MTURN: variants seen among roughly 807,000 people sequenced by gnomAD.
MTURN encodes maturin, neural progenitor differentiation regulator homolog.
MTURN carries 7 observed loss-of-function variants against 14.9 expected under a neutral mutation model. The ratio of observed to expected loss-of-function variants is 0.47; its 90% CI spans 0.27 to 0.88. MTURN has a LOEUF of 0.88. MTURN is among the 40% of genes least tolerant of loss of function. MTURN has a pLI of 0.14. For missense variants in MTURN, 151 were observed against 174.1 expected (o/e 0.87, Z 0.75); for synonymous variants, 69 against 72.5 (o/e 0.95, Z 0.25).
intron 1 of MTURN, chr7:30,145,763 C>G: frequency 7.2e-7 from 1 of 1,389,790 alleles, no homozygotes; most frequent in East Asian, 2.5e-5. Context: ...ACAAACTATG[C>G]TTAATTAATC....
intron 2 of MTURN, among the ~76,000 whole-genome samples, chr7:30,148,041 G>A (rs74317674): frequency 2.0e-5 from 3 of 152,224 alleles, no homozygotes; most frequent in African/African-American, 7.2e-5. Flanking sequence ...GCTCCAGTGG[G>A]GGGAGACAGG....
At chr7:30,142,863 G>A (rs369307195) in intron 1 of MTURN, among the ~76,000 whole-genome samples, 2 of 152,190 alleles carry the variant, frequency 1.3e-5, no homozygotes, top group Non-Finnish European at 2.9e-5. Context: ...TTGCCAGGGC[G>A]TTGCATTGTT....
chr7:30,145,492 TGAAAAA>T (rs561238993), intron 1 of MTURN, among the ~76,000 whole-genome samples: 2,129 of 152,230 alleles, frequency 0.014, 49 homozygotes, highest in African/African-American at 0.049. Flanking sequence ...AAACCCTGTC[TGAAAAA>T]GAAAAAGAAA....
chr7:30,136,731 G>A (rs985407725), intron 1 of MTURN, among the ~76,000 whole-genome samples: 2 of 152,218 alleles, frequency 1.3e-5, no homozygotes, highest in African/African-American at 4.8e-5. Flanking sequence ...GTGACAGCCA[G>A]ATTTGAGTTC....
intron 1 of MTURN, among the ~76,000 whole-genome samples, chr7:30,140,279 G>A (rs933839224): frequency 1.3e-5 from 2 of 151,994 alleles, no homozygotes; most frequent in African/African-American, 2.4e-5. Context: ...CTAAAATTTT[G>A]TATAGTTTAA....
At chr7:30,141,595 C>T (rs1338024963) in intron 1 of MTURN, among the ~76,000 whole-genome samples, 1 of 152,058 alleles carries the variant, frequency 6.6e-6, no homozygotes, top group Non-Finnish European at 1.5e-5. Context: ...GTGATCAGAG[C>T]TCACCGTAAC....
chr7:30,153,164 G>A (rs1797237421), intron 2 of MTURN, among the ~76,000 whole-genome samples: 1 of 152,148 alleles, frequency 6.6e-6, no homozygotes, highest in South Asian at 2.1e-4. Flanking sequence ...ATTCTTCCCA[G>A]TCTGTGTGTA....
chr7:30,145,999 T>C, intron 1 of MTURN, 178 bp from the exon 2 acceptor site: 2 of 1,549,150 alleles, frequency 1.3e-6, no homozygotes, highest in Non-Finnish European at 1.7e-6. Flanking sequence ...AGATTAGACA[T>C]TTTTTCTTCC....
At chr7:30,146,965 T>A (rs1797139792) in intron 2 of MTURN, among the ~76,000 whole-genome samples, 1 of 152,238 alleles carries the variant, frequency 6.6e-6, no homozygotes, top group African/African-American at 2.4e-5. Context: ...CCATCACCAG[T>A]GTCTCAGTGT....
intron 1 of MTURN, among the ~76,000 whole-genome samples, chr7:30,135,595 G>C (rs1013225469): frequency 1.3e-5 from 2 of 152,114 alleles, no homozygotes; most frequent in Admixed American, 6.5e-5. Context: ...TGCTGCGGGC[G>C]CCGTTTCGGG....
intron 1 of MTURN, among the ~76,000 whole-genome samples, chr7:30,145,377 C>G (rs1025531126): frequency 1.3e-5 from 2 of 152,056 alleles, no homozygotes; most frequent in African/African-American, 2.4e-5. Context: ...ACCTGTAGTT[C>G]CACCTACTTG....
intron 2 of MTURN, among the ~76,000 whole-genome samples, chr7:30,146,683 T>TG (rs1272987275): frequency 2.0e-5 from 3 of 152,146 alleles, no homozygotes; most frequent in Non-Finnish European, 2.9e-5. Context: ...TGGGGATTGC[T>TG]GGGAAGCTGT....
chr7:30,140,935 CCGGTTA>C (rs1381778618), intron 1 of MTURN: 4 of 152,202 alleles, frequency 2.6e-5, no homozygotes, highest in Non-Finnish European at 5.9e-5. Context: ...ACACGAGGCT[CCGGTTA>C]AACATTGCGC....
intron 2 of MTURN, among the ~76,000 whole-genome samples, chr7:30,155,183 C>G (rs540737702): frequency 1.3e-5 from 2 of 152,178 alleles, no homozygotes; most frequent in Non-Finnish European, 2.9e-5. Flanking sequence ...CCTGAAACTC[C>G]AGGCAGCCAC....
intron 2 of MTURN, among the ~76,000 whole-genome samples, chr7:30,152,555 A>C (rs1797228412): frequency 6.6e-6 from 1 of 152,210 alleles, no homozygotes; most frequent in Admixed American, 6.5e-5. Flanking sequence ...GTGAAGGAGA[A>C]GAGAGACTGC....
Position 30,140,415 on chromosome 7 carries a change from G to GTGTGTGTGTATATATATA in MTURN, c.162+5118_162+5119insGTGTGTGTATATATATAT, listed in dbSNP as rs33952294. ...GAGGGGTGTGTGTGTGTGTGTGTGT[G>GTGTGTGTGTATATATATA]TATCCCCATTTGTGGTCTGAACACA... On this transcript the variant is annotated intron_variant, in intron 1 of 2. Coordinates refer to ENST00000324453, the MANE Select transcript of MTURN (RefSeq NM_152793.3). Among the ~76,000 whole-genome samples, 14 of 143,732 alleles carry GTGTGTGTGTATATATATA rather than the reference G, an allele frequency of 9.7e-5. 1 individual carries two copies. The highest frequency in any genetic ancestry group is 1.5e-4 in the Non-Finnish European group (10 of 65,614). 94.3% of individuals were successfully genotyped at this position (143,732 alleles called of 152,430 possible). A position where few individuals can be genotyped will look rare whatever the true frequency, so the allele number is the denominator to read the frequency against.
In MTURN at chr7:30,138,236, C is replaced by T. The variant is rs1390718740; in HGVS notation, c.162+2938C>T. Among the ~76,000 whole-genome samples, 5 of 152,268 alleles carry T rather than the reference C, an allele frequency of 3.3e-5. No individual in the cohort carries two copies. In the East Asian group the frequency reaches 7.7e-4, roughly 23 times the overall value. ...GTTCAAGTGATTCTTGTGCGTCAGC[C>T]TCTCCAGTAGCTGGGATTAAAGGCG... On this transcript the variant is annotated intron_variant, in intron 1 of 2. Transcript: ENST00000324453.
chr7:30,135,346 C>T (rs1279341518), intron 1 of MTURN, 48 bp downstream of exon 1: 2 of 1,454,386 alleles, frequency 1.4e-6, no homozygotes, highest in Non-Finnish European at 1.8e-6. Flanking sequence ...AGTGTGGACG[C>T]GGCGGTGCGT....
In MTURN at chr7:30,135,025, C is replaced by A. The variant is rs948152166; in HGVS notation, c.-112C>A. 4.2e-6 allele frequency: 4 copies of A among 961,372 alleles called. No homozygotes were observed. Among genetic ancestry groups the A allele is most frequent in the Non-Finnish European group, 5.1e-6 (4 of 783,636 alleles). The allele number at this position is 961,372 out of a possible 1,614,324, so 59.6% of individuals were successfully genotyped here. A position where few individuals can be genotyped will look rare whatever the true frequency, so the allele number is the denominator to read the frequency against. ...GTAAACAGTCCCAGCCGGCCCAGCC[C>A]GGCCCCGGAGGAGCCCGCGCAGGCC... On this transcript the variant is annotated 5_prime_UTR_variant, in exon 1 of 3. Coordinates refer to ENST00000324453, the MANE Select transcript of MTURN (RefSeq NM_152793.3).
Sources: allele counts gnomAD v4.1 joint callset (sites outside exome capture counted in the v4.1 genomes callset), GRCh38; gene constraint gnomAD v4.1.1; transcripts MANE v1.5; gene names NCBI Gene and HGNC (gene_info 2026-07-23, HGNC 2026-07-21).